EBF1: variants seen among roughly 807,000 people sequenced by gnomAD.
EBF1 encodes EBF transcription factor 1.
Under a neutral mutation model 68.4 loss-of-function variants are expected in EBF1, and 10 were observed. The ratio of observed to expected loss-of-function variants is 0.15; its 90% CI spans 0.09 to 0.25. EBF1 has a LOEUF of 0.25. EBF1 is among the 10% of genes least tolerant of loss of function. EBF1 has a pLI of 1.00. For missense variants in EBF1, 509 were observed against 794.4 expected (o/e 0.64, Z 4.32); for synonymous variants, 298 against 299.8 (o/e 0.99, Z 0.06).
chr5:159,031,522 T>C (rs1768867621), intron 6 of EBF1, among the ~76,000 whole-genome samples: 1 of 152,188 alleles, frequency 6.6e-6, no homozygotes, highest in Non-Finnish European at 1.5e-5. Context: ...TCCTGTGCTA[T>C]ATAAAGTCTA....
intron 15 of EBF1, among the ~76,000 whole-genome samples, chr5:158,703,602 C>A (rs899397757): frequency 0.15 from 19,446 of 126,076 alleles, 1,367 homozygotes; most frequent in Admixed American, 0.17. Flanking sequence ...GTTGCTTTTT[C>A]AAAAAAAAAA....
chr5:159,079,602 C>CT (rs58461083), intron 5 of EBF1, among the ~76,000 whole-genome samples: 1,799 of 113,608 alleles, frequency 0.016, 26 homozygotes, highest in Admixed American at 0.02. Flanking sequence ...CTCCTTTTAT[C>CT]TTTTTTTTTT....
intron 10 of EBF1, among the ~76,000 whole-genome samples, chr5:158,739,527 T>A (rs189659859): frequency 1.6e-4 from 24 of 152,338 alleles, no homozygotes; most frequent in African/African-American, 5.3e-4. Flanking sequence ...CTTTTTCATT[T>A]GGGTGTTTTT....
chr5:158,744,605 C>G (rs944725058), intron 10 of EBF1, among the ~76,000 whole-genome samples: 13 of 152,170 alleles, frequency 8.5e-5, no homozygotes, highest in African/African-American at 3.1e-4. Context: ...CAGTCTCACT[C>G]TATAACTCCC....
At chr5:159,091,826 T>C (rs1195090485) in intron 4 of EBF1, among the ~76,000 whole-genome samples, 1 of 152,214 alleles carries the variant, frequency 6.6e-6, no homozygotes, top group Non-Finnish European at 1.5e-5. Flanking sequence ...GGGAACCTTT[T>C]CACGGTCTCC....
chr5:158,727,451 C>T (rs1763231312), intron 11 of EBF1, among the ~76,000 whole-genome samples: 1 of 152,210 alleles, frequency 6.6e-6, no homozygotes, highest in African/African-American at 2.4e-5. Context: ...TCCCCATCCC[C>T]TCCACCTCTA....
At chr5:159,046,373 C>T (rs1191586155) in intron 6 of EBF1, among the ~76,000 whole-genome samples, 2 of 152,190 alleles carry the variant, frequency 1.3e-5, no homozygotes, top group South Asian at 2.1e-4. Context: ...TGAATTTTAG[C>T]TATTCCCATA....
At chr5:159,019,988 T>C (rs1348590170) in intron 6 of EBF1, among the ~76,000 whole-genome samples, 1 of 152,102 alleles carries the variant, frequency 6.6e-6, no homozygotes, top group East Asian at 1.9e-4. Context: ...TTGGGGAGCT[T>C]GGGCAGTGAC....
At chr5:159,018,948 G>A (rs966506404) in intron 6 of EBF1, 7 of 152,184 alleles carry the variant, frequency 4.6e-5, no homozygotes, top group Non-Finnish European at 7.3e-5. Context: ...CTGAGTCTGA[G>A]CATTCACTCA....
chr5:159,081,597 G>A (rs1009234805), intron 5 of EBF1, among the ~76,000 whole-genome samples: 4 of 152,176 alleles, frequency 2.6e-5, no homozygotes, highest in Non-Finnish European at 4.4e-5. Flanking sequence ...CTGAAGGATG[G>A]AATCAGAATA....
chr5:158,698,090 G>A lies in EBF1; in HGVS notation c.*1021C>T, dbSNP rs115146238. On this transcript the variant is annotated 3_prime_UTR_variant, in exon 16 of 16. Coordinates refer to ENST00000313708, the MANE Select transcript of EBF1 (RefSeq NM_024007.5). ...TGGGAAAATCGAAAATACCTGCCAC[G>A]TTGCTTTTATCAACTTTTGGAAGAT... 5.1e-3 allele frequency: 1,110 copies of A among 217,876 alleles called. 6 individuals are homozygous for A. Among genetic ancestry groups the A allele is most frequent in the Non-Finnish European group, 7.8e-3 (847 of 108,374 alleles). 13.5% of individuals were successfully genotyped at this position (217,876 alleles called of 1,614,324 possible).
chr5:159,097,289 T>G (rs940095890), intron 1 of EBF1, among the ~76,000 whole-genome samples, 159 bp from the exon 2 acceptor site: 2 of 152,226 alleles, frequency 1.3e-5, no homozygotes, highest in African/African-American at 2.4e-5. Flanking sequence ...TAGACCCAGC[T>G]GACAACGGGA....
intron 6 of EBF1, among the ~76,000 whole-genome samples, chr5:159,021,904 A>G (rs986154551): frequency 5.3e-5 from 8 of 152,248 alleles, no homozygotes; most frequent in African/African-American, 1.7e-4. Context: ...GTGTTCCTCC[A>G]GATTATATAC....
chr5:159,061,831 G>T (rs1200270124), intron 6 of EBF1, among the ~76,000 whole-genome samples: 5 of 151,980 alleles, frequency 3.3e-5, no homozygotes, highest in African/African-American at 1.2e-4. Context: ...GAAATGCTGA[G>T]GTTAGTTTAA....
At chr5:158,949,005 TTGCAACAGGA>T (rs1815434820) in intron 6 of EBF1, among the ~76,000 whole-genome samples, 1 of 152,190 alleles carries the variant, frequency 6.6e-6, no homozygotes, top group South Asian at 2.1e-4. Flanking sequence ...AAAGGCACAT[TTGCAACAGGA>T]GTAGGTCATG....
chr5:158,942,293 T>C (rs1366763318), intron 6 of EBF1, among the ~76,000 whole-genome samples: 1 of 152,204 alleles, frequency 6.6e-6, no homozygotes, highest in African/African-American at 2.4e-5. Flanking sequence ...TATAATATCA[T>C]TAACTAACTG....
intron 6 of EBF1, among the ~76,000 whole-genome samples, chr5:159,033,318 G>A (rs1196661896): frequency 6.6e-6 from 1 of 152,224 alleles, no homozygotes; most frequent in Non-Finnish European, 1.5e-5. Flanking sequence ...CCTGGATACA[G>A]AAATGCTAAA....
chr5:158,810,705 G>A (rs1782486399), intron 8 of EBF1, among the ~76,000 whole-genome samples: 1 of 152,192 alleles, frequency 6.6e-6, no homozygotes, highest in South Asian at 2.1e-4. Flanking sequence ...TAATTTCACA[G>A]ATTGGGATAA....
At chr5:158,916,928 G>T (rs945958151) in intron 6 of EBF1, among the ~76,000 whole-genome samples, 5 of 152,136 alleles carry the variant, frequency 3.3e-5, no homozygotes, top group Admixed American at 2.0e-4. Flanking sequence ...AATGTGTGCC[G>T]CAAGCAAGAC....
Sources: allele counts gnomAD v4.1 joint callset (sites outside exome capture counted in the v4.1 genomes callset), GRCh38; gene constraint gnomAD v4.1.1; transcripts MANE v1.5; gene names NCBI Gene and HGNC (gene_info 2026-07-23, HGNC 2026-07-21).